LDHC: variants seen among roughly 807,000 people sequenced by gnomAD.
LDHC encodes L-lactate dehydrogenase C chain.
Under a neutral mutation model 30.2 loss-of-function variants are expected in LDHC, and 20 were observed. The observed-to-expected ratio is 0.66, with a 90% CI of 0.47 to 0.96. The LOEUF (loss-of-function observed/expected upper bound fraction) is 0.96, where lower values mean the gene tolerates loss of function less well. Among genes scored for constraint, LDHC ranks in the 40% least tolerant of loss-of-function variants. The pLI is 0.00. For missense variants in LDHC, 362 were observed against 394.9 expected (o/e 0.92, Z 0.71); for synonymous variants, 139 against 132.7 (o/e 1.05, Z -0.32).
At chr11:18,443,927 C>A (rs1848506960) in intron 6 of LDHC, among the ~76,000 whole-genome samples, 1 of 152,152 alleles carries the variant, frequency 6.6e-6, no homozygotes, top group African/African-American at 2.4e-5. Context: ...AAATTATTTG[C>A]CTCTTGATCA....
At chr11:18,445,890 G>A (rs1355632159) in intron 6 of LDHC, among the ~76,000 whole-genome samples, 2 of 152,090 alleles carry the variant, frequency 1.3e-5, no homozygotes, top group Non-Finnish European at 1.5e-5. Flanking sequence ...AGGGAGGATC[G>A]CATAAGCCCA....
chr11:18,413,123 C>T (rs565523078), intron 2 of LDHC, among the ~76,000 whole-genome samples: 203 of 150,834 alleles, frequency 1.3e-3, no homozygotes, highest in South Asian at 3.1e-3. Flanking sequence ...TGTCTGTTAC[C>T]CAGGTTGGAG....
chr11:18,422,750 A>G (rs1056294061), intron 3 of LDHC, among the ~76,000 whole-genome samples: 1 of 151,918 alleles, frequency 6.6e-6, no homozygotes, highest in Non-Finnish European at 1.5e-5. Flanking sequence ...TGGGAAGCCG[A>G]GGCGGGAGTA....
Position 18,412,774 on chromosome 11 carries a change from C to A in LDHC, c.57C>A (p.Ser19=). 2.5e-6 allele frequency: 4 copies of A among 1,613,842 alleles called. No individual in the cohort carries two copies. The highest frequency in any genetic ancestry group is 1.1e-5 in the South Asian group (1 of 91,062). ...AGCTAATTGAGGATGATGAAAACTC[C>A]CAGTGTAAAATTACTATTGTTGGAA... ...IEKLIEDDEN[S]QCKITIVGTG... is the part of the protein sequence containing the mutation. Residue 19 remains serine, a synonymous_variant, in exon 2 of 8, where the codon TCC becomes TCA. Transcript: ENST00000541669.
At chr11:18,433,641 T>C (rs1446234798) in intron 4 of LDHC, among the ~76,000 whole-genome samples, 2 of 152,178 alleles carry the variant, frequency 1.3e-5, no homozygotes, top group Non-Finnish European at 2.9e-5. Context: ...CCTTTCTAGG[T>C]TGTAGGGTTT....
In LDHC at chr11:18,446,081, A is replaced by G. The variant is rs376761708; in HGVS notation, c.711-129A>G. On this transcript the variant is annotated intron_variant, in intron 6 of 7. Transcript: ENST00000541669. ...TGCCTGTTTATAAATTCTGTAAGAA[A>G]TCTATGGGAAAATTCTAATACAATT... 2.0e-3 allele frequency: 1,470 copies of G among 740,002 alleles called. 42 individuals are homozygous for G. The South Asian group carries it at 0.027, about 14-fold the overall frequency. The allele number at this position is 740,002 out of a possible 1,614,324, so 45.8% of individuals were successfully genotyped here. A position where few individuals can be genotyped will look rare whatever the true frequency, so the allele number is the denominator to read the frequency against.
intron 7 of LDHC, among the ~76,000 whole-genome samples, chr11:18,448,328 G>C (rs1218590839): frequency 6.6e-6 from 1 of 152,128 alleles, no homozygotes; most frequent in Non-Finnish European, 1.5e-5. Context: ...CTGTTGCCCA[G>C]GCTGGAGTGC....
At chr11:18,413,169 C>T (rs10766478) in intron 2 of LDHC, among the ~76,000 whole-genome samples, 115,959 of 151,420 alleles carry the variant, frequency 0.77, 44,505 homozygotes, top group Middle Eastern at 0.8. Context: ...GCAACCTCCA[C>T]CTCCCGGGAT....
chr11:18,438,646 G>GTAA lies in LDHC; in HGVS notation c.710+4_710+6dup. On this transcript the variant is annotated splice_donor_variant, in intron 6 of 7. Coordinates refer to ENST00000541669, the MANE Select transcript of LDHC (RefSeq NM_017448.5). LOFTEE classifies it high-confidence loss of function. ...ATATCCATAAACAAGTTATTCAAAG[G>GTAA]TAATAGTACCTATTCAGTTTCTTAA... 2 of 1,476,044 alleles carry GTAA rather than the reference G, an allele frequency of 1.4e-6. No individual in the cohort carries two copies. Among genetic ancestry groups the GTAA allele is most frequent in the Non-Finnish European group, 1.9e-6 (2 of 1,054,812 alleles). The allele number at this position is 1,476,044 out of a possible 1,614,324, so 91.4% of individuals were successfully genotyped here.
intron 3 of LDHC, among the ~76,000 whole-genome samples, chr11:18,421,983 A>G (rs191767432): frequency 9.8e-4 from 147 of 150,502 alleles, no homozygotes; most frequent in African/African-American, 3.3e-3. Flanking sequence ...AATTAGCTGC[A>G]TGTGGTGGTG....
In LDHC at chr11:18,450,947, T is replaced by C. The variant is rs1848645479; in HGVS notation, c.835-16T>C. On this transcript the variant is annotated splice_polypyrimidine_tract_variant and intron_variant, in intron 7 of 7. Coordinates refer to ENST00000541669, the MANE Select transcript of LDHC (RefSeq NM_017448.5). ...CATATCAGGTTATTTGAACAATATCTTATCTTGCCTTTCAGGGATTATATG... is the reference window on the plus strand; with the variant it reads ...CATATCAGGTTATTTGAACAATATCCTATCTTGCCTTTCAGGGATTATATG... 5 of 1,560,424 alleles carry C rather than the reference T, an allele frequency of 3.2e-6. No homozygotes were observed. The East Asian group carries it at 1.2e-4, about 36-fold the overall frequency.
Position 18,429,778 on chromosome 11 carries a change from G to A in LDHC, c.286G>A (p.Ala96Thr). The A allele has an allele frequency of 6.2e-7, 1 of 1,612,204 alleles. No individual in the cohort carries two copies. Among genetic ancestry groups the A allele is most frequent in the Non-Finnish European group, 8.5e-7 (1 of 1,178,708 alleles). The change falls in exon 4 of 8, where the codon GCA becomes ACA. Residue 96 changes from alanine (A) to threonine (T), a missense_variant. By Grantham distance (58) the Ala-to-Thr change is moderately conservative. Transcript: ENST00000541669. Reference protein sequence around the residue: ...SANSRIVIVTAGARQQEGETR... With the variant: ...SANSRIVIVTTGARQQEGETR... ...AAACTCCAGAATAGTTATTGTCACA[G>A]CAGGTGCAAGGCAGCAGGAGGGAGA...
intron 5 of LDHC, 74 bp from the exon 6 acceptor site, chr11:18,438,454 A>G: frequency 1.0e-6 from 1 of 973,124 alleles, no homozygotes. Flanking sequence ...CTTAACTTAA[A>G]AAAACAACAC....
Position 18,450,987 on chromosome 11 carries a change from C to A in LDHC, c.859C>A (p.Leu287Ile). ...VKGLYGIKEE[L>I]FLSIPCVLGR... ...GGGATTATATGGAATAAAAGAAGAA[C>A]TCTTTCTCAGTATCCCTTGTGTCTT... The change falls in exon 8 of 8, where the codon CTC (leucine) becomes ATC (isoleucine). Residue 287 changes from leucine to isoleucine, a missense_variant. Physicochemically the swap from Leu to Ile is conservative, Grantham distance 5 (BLOSUM62 2). Transcript: ENST00000541669. The A allele has an allele frequency of 6.3e-7, 1 of 1,589,716 alleles. No homozygotes were observed. Among genetic ancestry groups the A allele is most frequent in the Non-Finnish European group, 8.5e-7 (1 of 1,172,276 alleles).
At chr11:18,446,616 A>G (rs1848559777) in intron 7 of LDHC, among the ~76,000 whole-genome samples, 1 of 152,232 alleles carries the variant, frequency 6.6e-6, no homozygotes, top group South Asian at 2.1e-4. Flanking sequence ...ATGCAAAAAG[A>G]AAATTTATTG....
At chr11:18,427,414 T>C (rs993834012) in intron 3 of LDHC, among the ~76,000 whole-genome samples, 1 of 152,000 alleles carries the variant, frequency 6.6e-6, no homozygotes, top group Non-Finnish European at 1.5e-5. Context: ...CTTGATCTTG[T>C]AGATGAGGAA....
At chr11:18,421,209 G>A (rs1212553147) in intron 3 of LDHC, among the ~76,000 whole-genome samples, 1 of 152,000 alleles carries the variant, frequency 6.6e-6, no homozygotes, top group East Asian at 2.0e-4. Flanking sequence ...ACACACCACT[G>A]AGCCTGGCTA....
intron 6 of LDHC, among the ~76,000 whole-genome samples, chr11:18,439,811 T>TAAA (rs71047596): frequency 0.04 from 2,571 of 64,002 alleles, 383 homozygotes; most frequent in Non-Finnish European, 0.056. Context: ...CCGTCTCTAC[T>TAAA]AAAAAAAAAA....
chr11:18,421,079 A>G (rs1848039523), intron 3 of LDHC, among the ~76,000 whole-genome samples: 1 of 151,896 alleles, frequency 6.6e-6, no homozygotes, highest in Non-Finnish European at 1.5e-5. Flanking sequence ...TTTTGAGACA[A>G]AGTCTCACAC....
Sources: gnomAD v4.1 joint callset for allele counts (sites outside exome capture counted in the v4.1 genomes callset) on GRCh38, gnomAD v4.1.1 for gene constraint, MANE v1.5 for transcripts, NCBI Gene and HGNC (gene_info 2026-07-23, HGNC 2026-07-21) for gene names.